The following PARG variants were observed in gnomAD, a reference collection of about 807,000 sequenced individuals.
The protein encoded by PARG is poly(ADP-ribose) glycohydrolase.
In PARG, 35 loss-of-function variants were observed where a neutral mutation model predicts 113.0. The ratio of observed to expected loss-of-function variants is 0.31; its 90% CI spans 0.24 to 0.41. The LOEUF is 0.41. PARG is among the 10% of genes least tolerant of loss of function. PARG has a pLI of 1.00. For missense variants in PARG, 797 were observed against 1,169.4 expected (o/e 0.68, Z 4.64); for synonymous variants, 330 against 409.9 (o/e 0.81, Z 2.36).
intron 7 of PARG, among the ~76,000 whole-genome samples, chr10:49,891,590 C>CATATATATATATATATATATATATAT (rs1211471476): frequency 1.0e-4 from 5 of 48,618 alleles, no homozygotes; most frequent in Non-Finnish European, 1.3e-4. Context: ...TCCTATGGTC[C>CATATATATATATATATATATATATAT]ATATATATAT....
chr10:49,897,044 A>G (rs1216800319), intron 7 of PARG, among the ~76,000 whole-genome samples: 2 of 152,134 alleles, frequency 1.3e-5, no homozygotes, highest in African/African-American at 4.8e-5. Context: ...ATTTTTTAAT[A>G]TCTAGAATAT....
chr10:49,941,657 C>G lies in PARG; in HGVS notation c.69G>C (p.Pro23=), dbSNP rs1250430677. Residue 23 remains proline (P), a synonymous_variant, in exon 1 of 18, where the codon CCG becomes CCC. Coordinates refer to ENST00000616448, the MANE Select transcript of PARG (RefSeq NM_003631.5). Reference sequence around the variant, plus strand: ...GAAAGCTCCGGGCGTCCGAAGCAGCCGGCGAAGTTGTAGCGGCGCCCCAGC... The same window carrying G: ...GAAAGCTCCGGGCGTCCGAAGCAGCGGGCGAAGTTGTAGCGGCGCCCCAGC... ...RPRWGAATTS[P]AASDARSFPS... The G allele has an allele frequency of 6.3e-7, 1 of 1,597,756 alleles. No individual in the cohort carries two copies. Among genetic ancestry groups the G allele is most frequent in the Non-Finnish European group, 8.5e-7 (1 of 1,173,540 alleles).
intron 13 of PARG, among the ~76,000 whole-genome samples, chr10:49,850,536 C>T (rs1473638393): frequency 2.0e-5 from 3 of 152,284 alleles, no homozygotes; most frequent in South Asian, 4.1e-4. Context: ...GCAACCTGGT[C>T]TACTTGCCTG....
intron 7 of PARG, among the ~76,000 whole-genome samples, chr10:49,890,266 G>A (rs376356971): frequency 6.6e-5 from 10 of 151,498 alleles, no homozygotes; most frequent in South Asian, 2.1e-4. Flanking sequence ...GTGCGTGTGC[G>A]CGTGTGTGTG....
In PARG at chr10:49,914,947, T is replaced by C. The variant is rs1425378814; in HGVS notation, c.1737+970A>G. Among the ~76,000 whole-genome samples, 16 of 152,158 alleles carry C rather than the reference T, an allele frequency of 1.1e-4. No individual in the cohort carries two copies. In the South Asian group the frequency reaches 1.4e-3, roughly 14 times the overall value. Reference sequence around the variant, plus strand: ...TATGAAAATTAACTCGAAATGGATATTCACATGGAAAATAATAAAATTGGA... The same window carrying C: ...TATGAAAATTAACTCGAAATGGATACTCACATGGAAAATAATAAAATTGGA... On this transcript the variant is annotated intron_variant, in intron 7 of 17. Transcript: ENST00000616448.
At chr10:49,835,920 A>G (rs1844897256) in intron 15 of PARG, among the ~76,000 whole-genome samples, 1 of 152,162 alleles carries the variant, frequency 6.6e-6, no homozygotes, top group African/African-American at 2.4e-5. Flanking sequence ...TATGTTTAAG[A>G]CACAAATACC....
At position 49,915,820 on chromosome 10, in the gene PARG, ATAAT is replaced by A. The variant is rs1428572478; in HGVS notation, c.1737+93_1737+96del. 6 of 675,010 alleles carry A rather than the reference ATAAT, an allele frequency of 8.9e-6. No homozygotes were observed. The African/African-American group carries it at 1.1e-4, about 12-fold the overall frequency. The allele number at this position is 675,010 out of a possible 1,614,324, so 41.8% of individuals were successfully genotyped here. A position where few individuals can be genotyped will look rare whatever the true frequency, so the allele number is the denominator to read the frequency against. On this transcript the variant is annotated intron_variant, in intron 7 of 17. Coordinates refer to ENST00000616448, the MANE Select transcript of PARG (RefSeq NM_003631.5). ...AACAGCAAATTTATAAAACTAAAAG[ATAAT>A]TATCTTAGTGTGGCAGAATTATGGG...
At chr10:49,897,328 T>C (rs368287992) in intron 7 of PARG, among the ~76,000 whole-genome samples, 24 of 152,224 alleles carry the variant, frequency 1.6e-4, no homozygotes, top group East Asian at 7.7e-4. Context: ...TCTGCCTTGT[T>C]TAACATTTTA....
chr10:49,891,668 C>T (rs1847814815), intron 7 of PARG, among the ~76,000 whole-genome samples: 1 of 128,676 alleles, frequency 7.8e-6, no homozygotes, highest in Non-Finnish European at 1.6e-5. Context: ...CTCACTCTGT[C>T]ACCCAGGCTG....
intron 1 of PARG, among the ~76,000 whole-genome samples, chr10:49,938,564 A>G (rs1334616707): frequency 2.0e-5 from 3 of 152,142 alleles, no homozygotes; most frequent in African/African-American, 4.8e-5. Flanking sequence ...CACAATGTGA[A>G]TAACATGCTG....
At chr10:49,912,829 G>A (rs1175986497) in intron 7 of PARG, among the ~76,000 whole-genome samples, 2 of 152,152 alleles carry the variant, frequency 1.3e-5, no homozygotes, top group Non-Finnish European at 2.9e-5. Flanking sequence ...CTAGCCAGGT[G>A]TGGTAGCACA....
chr10:49,820,391 T>G (rs956031422), intron 16 of PARG, 98 bp from the exon 17 acceptor site: 1 of 784,212 alleles, frequency 1.3e-6, no homozygotes, highest in East Asian at 2.7e-5. Flanking sequence ...CATCCTAGAT[T>G]AAAGATTTAT....
intron 15 of PARG, among the ~76,000 whole-genome samples, chr10:49,839,774 T>C (rs573654102): frequency 1.2e-4 from 18 of 152,366 alleles, no homozygotes; most frequent in Admixed American, 7.8e-4. Context: ...TGTGGGAGTA[T>C]ACAGTTCATT....
At chr10:49,907,307 T>C (rs1479718886) in intron 7 of PARG, among the ~76,000 whole-genome samples, 1 of 152,200 alleles carries the variant, frequency 6.6e-6, no homozygotes, top group Non-Finnish European at 1.5e-5. Flanking sequence ...ACTCTTGTAG[T>C]AAATCATTAC....
intron 13 of PARG, among the ~76,000 whole-genome samples, chr10:49,857,009 CAAAAAAAAAAAA>C (rs71270682): frequency 1.3e-5 from 1 of 74,630 alleles, no homozygotes; most frequent in Non-Finnish European, 2.5e-5. Flanking sequence ...ACCTCTGTCT[CAAAAAAAAAAAA>C]AAAAAAAAAA....
At chr10:49,878,106 T>C (rs1355484655) in intron 9 of PARG, among the ~76,000 whole-genome samples, 7 of 151,766 alleles carry the variant, frequency 4.6e-5, no homozygotes, top group Admixed American at 1.3e-4. Context: ...TTCTGTGGTA[T>C]TCTCCCAAAA....
chr10:49,846,159 T>C (rs1475333738), intron 13 of PARG, among the ~76,000 whole-genome samples: 1 of 151,030 alleles, frequency 6.6e-6, no homozygotes, highest in Non-Finnish European at 1.5e-5. Flanking sequence ...ATAAAAGGGA[T>C]AGAACCACTG....
chr10:49,844,543 A>C (rs1845408424), intron 13 of PARG, among the ~76,000 whole-genome samples: 1 of 151,794 alleles, frequency 6.6e-6, no homozygotes, highest in East Asian at 1.9e-4. Context: ...GAATCGCTTG[A>C]ACCTGGGAGG....
Position 49,909,216 on chromosome 10 carries a change from A to G in PARG, c.1737+6701T>C, listed in dbSNP as rs530862519. Among the ~76,000 whole-genome samples the G allele has an allele frequency of 2.6e-3, 399 of 152,140 alleles. 1 individual carries two copies. The highest frequency in any genetic ancestry group is 4.4e-3 in the Non-Finnish European group (296 of 68,000). On this transcript the variant is annotated intron_variant, in intron 7 of 17. Transcript: ENST00000616448. ...CAACTATTGTGTTTTACGTTATTGA[A>G]TCATAGCTGATTTGTGCTGTGATTT... is the stretch of plus-strand genomic sequence containing the variant.
Sources: gnomAD v4.1 joint callset for allele counts (sites outside exome capture counted in the v4.1 genomes callset) on GRCh38, gnomAD v4.1.1 for gene constraint, MANE v1.5 for transcripts, NCBI Gene and HGNC (gene_info 2026-07-23, HGNC 2026-07-21) for gene names.